Variants in PIK3CG observed in about 807,000 individuals in gnomAD.
The protein encoded by PIK3CG is phosphatidylinositol-4,5-bisphosphate 3-kinase catalytic subunit gamma.
A neutral mutation model predicts 102.3 loss-of-function variants in PIK3CG; 55 were observed. That is an observed-to-expected ratio of 0.54 (90% CI 0.43 to 0.67). The LOEUF is 0.67. Among genes scored for constraint, PIK3CG ranks in the 30% least tolerant of loss-of-function variants. The pLI, the probability that PIK3CG is intolerant of heterozygous loss-of-function variation, is 0.00. For synonymous variants in PIK3CG, 552 were observed against 540.0 expected, an observed-to-expected ratio of 1.02 and a Z score of -0.31; for missense variants, 1,258 against 1,391.8, an observed-to-expected ratio of 0.90 and a Z score of 1.53.
In PIK3CG at chr7:106,872,438, G is replaced by A; in HGVS notation, c.1996-99G>A. 1 of 903,708 alleles carries A rather than the reference G, an allele frequency of 1.1e-6. No homozygotes were observed. The highest frequency in any genetic ancestry group is 2.0e-5 in the Admixed American group (1 of 48,918). The allele number at this position is 903,708 out of a possible 1,614,324, so 56.0% of individuals were successfully genotyped here. A position where few individuals can be genotyped will look rare whatever the true frequency, so the allele number is the denominator to read the frequency against. On this transcript the variant is annotated intron_variant, in intron 2 of 10. Transcript: ENST00000496166. The surrounding 1 kb of genome is among the most constrained non-coding windows in gnomAD (Gnocchi z 5.3). ...AGATTTTCATCTTTCTAGCCGTGAAGACCCAGTAAAGCAGAGCACCAGTTC... is the reference window on the plus strand; with the variant it reads ...AGATTTTCATCTTTCTAGCCGTGAAAACCCAGTAAAGCAGAGCACCAGTTC...
Position 106,883,187 on chromosome 7 carries a change from C to G in PIK3CG, c.2760+24C>G, listed in dbSNP as rs1453359529. 11 of 1,613,368 alleles carry G rather than the reference C, an allele frequency of 6.8e-6. No homozygotes were observed. Among genetic ancestry groups the G allele is most frequent in the Non-Finnish European group, 9.3e-6 (11 of 1,179,420 alleles). On this transcript the variant is annotated intron_variant, in intron 8 of 10. Coordinates refer to ENST00000496166, the MANE Select transcript of PIK3CG (RefSeq NM_001282426.2). This position sits in a 1 kb window ranked among gnomAD's most constrained non-coding sequence, Gnocchi z 5.8. ...AGGTGAGCTCATGCTTTTTCCCAGT[C>G]TAATGGCTCCTTACAAGTTGTCATT...
At position 106,884,244 on chromosome 7, in the gene PIK3CG, C is replaced by T. The variant is rs2230460; in HGVS notation, c.2850C>T (p.Asp950=). The change falls in exon 9 of 11, where the codon GAC becomes GAT. Residue 950 remains aspartate (D), a synonymous_variant. Coordinates refer to ENST00000496166, the MANE Select transcript of PIK3CG (RefSeq NM_001282426.2). This position sits in a 1 kb window ranked among gnomAD's most constrained non-coding sequence, Gnocchi z 4.2. ...FVLGIGDRHN[D]NIMITETGNL... ...TTGGAATAGGCGACAGACACAATGA[C>T]AATATTATGATCACCGAGACAGGTG... 177,292 of 1,609,854 alleles carry T rather than the reference C, an allele frequency of 0.11. 11,174 individuals carry two copies. The highest frequency in any genetic ancestry group is 0.23 in the South Asian group (20,462 of 90,910).
intron 9 of PIK3CG, among the ~76,000 whole-genome samples, chr7:106,885,087 C>G (rs1791047205): frequency 6.6e-6 from 1 of 152,160 alleles, no homozygotes; most frequent in Non-Finnish European, 1.5e-5. Context: ...CTCACTTGCC[C>G]ATCGCTCACC....
chr7:106,902,063 T>C lies in PIK3CG; in HGVS notation c.3031-3046T>C, dbSNP rs1265231129. On this transcript the variant is annotated intron_variant, in intron 10 of 10. Coordinates refer to ENST00000496166, the MANE Select transcript of PIK3CG (RefSeq NM_001282426.2). This position sits in a 1 kb window ranked among gnomAD's most constrained non-coding sequence, Gnocchi z 4.3. Reference sequence around the variant, plus strand: ...CACTGCAGCTCTTGTGTAATCTCAGTGTTTATGTTCCTTTCCCAACTTGGA... The same window carrying C: ...CACTGCAGCTCTTGTGTAATCTCAGCGTTTATGTTCCTTTCCCAACTTGGA... 6.6e-6 allele frequency among the ~76,000 whole-genome samples: 1 copy of C among 152,126 alleles called. No individual in the cohort carries two copies. Among genetic ancestry groups the C allele is most frequent in the African/African-American group, 2.4e-5 (1 of 41,420 alleles).
At position 106,897,203 on chromosome 7, in the gene PIK3CG, C is replaced by T. The variant is rs1395642714; in HGVS notation, c.3031-7906C>T. On this transcript the variant is annotated intron_variant, in intron 10 of 10. Coordinates refer to ENST00000496166, the MANE Select transcript of PIK3CG (RefSeq NM_001282426.2). The surrounding 1 kb of genome is among the most constrained non-coding windows in gnomAD (Gnocchi z 4.6). ...ATTGTAGGACATTATTAATAGATTG[C>T]TTTCAAGTTTCCACAATTTTAAACC... Among the ~76,000 whole-genome samples, 2 of 152,100 alleles carry T rather than the reference C, an allele frequency of 1.3e-5. No homozygotes were observed. Among genetic ancestry groups the T allele is most frequent in the Non-Finnish European group, 2.9e-5 (2 of 68,000 alleles).
chr7:106,905,085 A>C lies in PIK3CG; in HGVS notation c.3031-24A>C. 1.2e-6 allele frequency: 2 copies of C among 1,603,768 alleles called. No homozygotes were observed. Among genetic ancestry groups the C allele is most frequent in the East Asian group, 4.5e-5 (2 of 44,764 alleles). On this transcript the variant is annotated intron_variant, in intron 10 of 10. Transcript: ENST00000496166. This position sits in a 1 kb window ranked among gnomAD's most constrained non-coding sequence, Gnocchi z 5.6. Reference sequence around the variant, plus strand: ...TGTTAGTTACCATAACAACAGTAACAGCATTTTCTTCTTCTTTATCCAGGA... The same window carrying C: ...TGTTAGTTACCATAACAACAGTAACCGCATTTTCTTCTTCTTTATCCAGGA...
intron 4 of PIK3CG, among the ~76,000 whole-genome samples, chr7:106,873,663 T>C (rs1790617214): frequency 6.6e-6 from 1 of 152,094 alleles, no homozygotes; most frequent in African/African-American, 2.4e-5. Flanking sequence ...GATTATGATA[T>C]CTGCAGGAGG....
chr7:106,903,669 A>G lies in PIK3CG; in HGVS notation c.3031-1440A>G, dbSNP rs1160476701. Among the ~76,000 whole-genome samples, 1 of 151,922 alleles carries G rather than the reference A, an allele frequency of 6.6e-6. No homozygotes were observed. On this transcript the variant is annotated intron_variant, in intron 10 of 10. Transcript: ENST00000496166. The surrounding 1 kb of genome is among the most constrained non-coding windows in gnomAD (Gnocchi z 4.3). Reference sequence around the variant, plus strand: ...AAACCTAGTTTATTAAAAACTACTTACAGTAATATTTGATTTTTTAAAGAC... The same window carrying G: ...AAACCTAGTTTATTAAAAACTACTTGCAGTAATATTTGATTTTTTAAAGAC...
At position 106,884,179 on chromosome 7, in the gene PIK3CG, G is replaced by C. The variant is rs2116551344; in HGVS notation, c.2785G>C (p.Val929Leu). 1 of 1,613,640 alleles carries C rather than the reference G, an allele frequency of 6.2e-7. No individual in the cohort carries two copies. The highest frequency in any genetic ancestry group is 8.5e-7 in the Non-Finnish European group (1 of 1,179,728). ...EKFQAAVERF[V>L]YSCAGYCVAT... is the part of the protein sequence containing the mutation. ...GTTTCAGGCAGCAGTGGAGAGATTT[G>C]TTTATTCCTGTGCAGGCTACTGTGT... Residue 929 changes from valine to leucine, a missense_variant, in exon 9 of 11, where the codon GTT becomes CTT. By Grantham distance (32) the Val-to-Leu change is conservative. Coordinates refer to ENST00000496166, the MANE Select transcript of PIK3CG (RefSeq NM_001282426.2). This position sits in a 1 kb window ranked among gnomAD's most constrained non-coding sequence, Gnocchi z 4.2.
rs996071905 is a variant in PIK3CG at position 106,867,658 on chromosome 7, T to C, written c.97T>C (p.Ser33Pro). Residue 33 changes from serine to proline, a missense_variant, in exon 2 of 11, where the codon TCC becomes CCC. Physicochemically the swap from Ser to Pro is moderately conservative, Grantham distance 74. Around this residue, in one of 2 missense-constraint regions of PIK3CG, gnomAD observed 832 missense variants for 787.5 expected, o/e 1.06. Transcript: ENST00000496166. This position sits in a 1 kb window ranked among gnomAD's most constrained non-coding sequence, Gnocchi z 5.1. Reference protein sequence around the residue: ...MKPRSAAASLSSMELIPIEFV... With the variant: ...MKPRSAAASLPSMELIPIEFV... ...GCCGCGCAGTGCTGCGGCCAGCCTG[T>C]CCTCCATGGAGCTCATCCCCATCGA... 22 of 1,613,262 alleles carry C rather than the reference T, an allele frequency of 1.4e-5. No homozygotes were observed. The highest frequency in any genetic ancestry group is 6.7e-5 in the Admixed American group (4 of 60,008).
chr7:106,869,790 G>C lies in PIK3CG; in HGVS notation c.1995+234G>C, dbSNP rs1182429601. 6.6e-6 allele frequency among the ~76,000 whole-genome samples: 1 copy of C among 152,124 alleles called. No homozygotes were observed. Among genetic ancestry groups the C allele is most frequent in the Non-Finnish European group, 1.5e-5 (1 of 68,016 alleles). On this transcript the variant is annotated intron_variant, in intron 2 of 10. Coordinates refer to ENST00000496166, the MANE Select transcript of PIK3CG (RefSeq NM_001282426.2). The surrounding 1 kb of genome is among the most constrained non-coding windows in gnomAD (Gnocchi z 5.3). ...AGACATTAGTACTTCACGTTTTTAG[G>C]AGAATTGGCCCTGTGGGAATACTTT...
intron 10 of PIK3CG, among the ~76,000 whole-genome samples, chr7:106,898,400 A>G (rs775100711): frequency 3.3e-5 from 5 of 152,014 alleles, no homozygotes; most frequent in Non-Finnish European, 7.4e-5. Context: ...CCACTTGTCA[A>G]TTTTTCCTTT....
At position 106,869,816 on chromosome 7, in the gene PIK3CG, G is replaced by T. The variant is rs557657818; in HGVS notation, c.1995+260G>T. On this transcript the variant is annotated intron_variant, in intron 2 of 10. Transcript: ENST00000496166. This position sits in a 1 kb window ranked among gnomAD's most constrained non-coding sequence, Gnocchi z 5.3. ...AGAATTGGCCCTGTGGGAATACTTT[G>T]TTCTCATTTATTATTTTAATGATAG... Among the ~76,000 whole-genome samples the T allele has an allele frequency of 6.6e-6, 1 of 152,258 alleles. No homozygotes were observed. Among genetic ancestry groups the T allele is most frequent in the African/African-American group, 2.4e-5 (1 of 41,548 alleles).
intron 10 of PIK3CG, among the ~76,000 whole-genome samples, chr7:106,904,263 T>C (rs1015318513): frequency 2.6e-5 from 4 of 152,168 alleles, no homozygotes; most frequent in Admixed American, 2.6e-4. Context: ...TTGGCTATGG[T>C]GTATTAATCT....
rs150482982 is a variant in PIK3CG at position 106,868,894 on chromosome 7, G to A, written c.1333G>A (p.Ala445Thr). Reference protein sequence around the residue: ...CGKAPALSSKASAESPSSESK... With the variant: ...CGKAPALSSKTSAESPSSESK... ...TAAAGCTCCAGCACTGTCCAGCAAG[G>A]CCTCTGCAGAGTCCCCCAGTTCTGA... is the stretch of plus-strand genomic sequence containing the variant. Residue 445 changes from alanine (A) to threonine (T), a missense_variant, in exon 2 of 11, where the codon GCC becomes ACC. By Grantham distance (58) the Ala-to-Thr change is moderately conservative (BLOSUM62 0). Around this residue, in one of 2 missense-constraint regions of PIK3CG, gnomAD observed 832 missense variants for 787.5 expected, o/e 1.06. Transcript: ENST00000496166. This position sits in a 1 kb window ranked among gnomAD's most constrained non-coding sequence, Gnocchi z 6.2. 92 of 1,614,054 alleles carry A rather than the reference G, an allele frequency of 5.7e-5. No homozygotes were observed. The highest frequency in any genetic ancestry group is 7.7e-5 in the Non-Finnish European group (91 of 1,180,042).
At chr7:106,876,419 T>G (rs995872566) in intron 5 of PIK3CG, among the ~76,000 whole-genome samples, 1 of 148,548 alleles carries the variant, frequency 6.7e-6, no homozygotes. Context: ...TGAGACAGAG[T>G]CTCGCTCTGT....
chr7:106,872,144 C>T lies in PIK3CG; in HGVS notation c.1996-393C>T, dbSNP rs1790552756. 6.6e-6 allele frequency among the ~76,000 whole-genome samples: 1 copy of T among 152,186 alleles called. No individual in the cohort carries two copies. The highest frequency in any genetic ancestry group is 1.5e-5 in the Non-Finnish European group (1 of 68,028). ...TATATCTCCACTGTCCATTTTCTTT[C>T]TCACATTCTCTCTTACCTTCCACTT... On this transcript the variant is annotated intron_variant, in intron 2 of 10. Coordinates refer to ENST00000496166, the MANE Select transcript of PIK3CG (RefSeq NM_001282426.2). This position sits in a 1 kb window ranked among gnomAD's most constrained non-coding sequence, Gnocchi z 5.3.
chr7:106,868,522 G>C lies in PIK3CG; in HGVS notation c.961G>C (p.Glu321Gln), dbSNP rs1361906308. 3.1e-6 allele frequency: 5 copies of C among 1,614,166 alleles called. No homozygotes were observed. The highest frequency in any genetic ancestry group is 4.2e-6 in the Non-Finnish European group (5 of 1,180,036). Reference protein sequence around the residue: ...PDPALDEVRKEEWPLVDDCTG... With the variant: ...PDPALDEVRKQEWPLVDDCTG... ...CCCGGCCCTAGACGAGGTGAGGAAG[G>C]AAGAGTGGCCACTGGTGGATGACTG... is the stretch of plus-strand genomic sequence containing the variant. Residue 321 changes from glutamate to glutamine, a missense_variant, in exon 2 of 11, where the codon GAA becomes CAA. Physicochemically the swap from Glu to Gln is conservative, Grantham distance 29. Coordinates refer to ENST00000496166, the MANE Select transcript of PIK3CG (RefSeq NM_001282426.2). This position sits in a 1 kb window ranked among gnomAD's most constrained non-coding sequence, Gnocchi z 6.2.
At position 106,907,124 on chromosome 7, in the gene PIK3CG, A is replaced by C. The variant is rs1018381375; in HGVS notation, c.*1737A>C. 1 of 185,916 alleles carries C rather than the reference A, an allele frequency of 5.4e-6. No homozygotes were observed. Among genetic ancestry groups the C allele is most frequent in the Non-Finnish European group, 1.1e-5 (1 of 88,006 alleles). 11.5% of individuals were successfully genotyped at this position (185,916 alleles called of 1,614,324 possible). ...TAACAGAGCGAGACCCTGTCTCAAA[A>C]AAATAAAATAAAAAATAAAAACACC... On this transcript the variant is annotated 3_prime_UTR_variant, in exon 11 of 11. Coordinates refer to ENST00000496166, the MANE Select transcript of PIK3CG (RefSeq NM_001282426.2).
Sources: gnomAD v4.1 joint callset for allele counts (sites outside exome capture counted in the v4.1 genomes callset) on GRCh38, gnomAD v4.1.1 for gene constraint, gnomAD v4.1.1 regional missense constraint, Gnocchi (gnomAD v3.1) non-coding constraint, MANE v1.5 for transcripts, NCBI Gene and HGNC (gene_info 2026-07-23, HGNC 2026-07-21) for gene names.